Variants in KCNQ1 observed in about 807,000 individuals in gnomAD.
KCNQ1 encodes the protein potassium voltage-gated channel subfamily KQT member 1.
Under a neutral mutation model 72.4 loss-of-function variants are expected in KCNQ1, and 49 were observed. The observed-to-expected ratio is 0.68, with a 90% CI of 0.54 to 0.86. The LOEUF is 0.86. Ranked by LOEUF, KCNQ1 falls within the 40% of genes least tolerant of loss-of-function variation. The pLI is 0.00. For synonymous variants in KCNQ1, 450 were observed against 412.6 expected (o/e 1.09, Z -1.10); for missense variants, 790 against 945.1 (o/e 0.84, Z 2.15).
rs1847116598 is a variant in KCNQ1, at chr11:2,507,073, C to T, written c.387-20855C>T. Reference sequence around the variant, plus strand: ...CGCATGTTTATATCATCAAATTTATCATGCTTCTTTCTACTGACTCCGGAT... The same window carrying T: ...CGCATGTTTATATCATCAAATTTATTATGCTTCTTTCTACTGACTCCGGAT... On this transcript the variant is annotated intron_variant, in intron 1 of 15. Coordinates refer to ENST00000155840, the MANE Select transcript of KCNQ1 (RefSeq NM_000218.3). The surrounding 1 kb of genome is among the most constrained non-coding windows in gnomAD (Gnocchi z 5.4). 6.6e-6 allele frequency among the ~76,000 whole-genome samples: 1 copy of T among 152,192 alleles called. No homozygotes were observed. The highest frequency in any genetic ancestry group is 2.1e-4 in the South Asian group (1 of 4,838).
At position 2,698,175 on chromosome 11, in the gene KCNQ1, T is replaced by C. The variant is rs899920189; in HGVS notation, c.1514+36094T>C. On this transcript the variant is annotated intron_variant, in intron 11 of 15. Transcript: ENST00000155840. This position sits in a 1 kb window ranked among gnomAD's most constrained non-coding sequence, Gnocchi z 5.1. The stretch of plus-strand genomic sequence containing the variant: ...AGTTCCTCGTTGGGAGCTTTTGGTC[T>C]AGCAAAAGGGGCACCACAGTAAAGA... 29 of 398,620 alleles carry C rather than the reference T, an allele frequency of 7.3e-5. No homozygotes were observed. Among genetic ancestry groups the C allele is most frequent in the African/African-American group, 5.9e-4 (29 of 48,742 alleles). The allele number at this position is 398,620 out of a possible 1,614,324, so 24.7% of individuals were successfully genotyped here.
At chr11:2,774,047 T>G (rs1400847715) in intron 12 of KCNQ1, among the ~76,000 whole-genome samples, 2 of 151,350 alleles carry the variant, frequency 1.3e-5, no homozygotes, top group Non-Finnish European at 2.9e-5. Context: ...GAATTAAGAC[T>G]CAACATCCCA....
In KCNQ1 at chr11:2,550,178, T is replaced by C. The variant is rs1418560874; in HGVS notation, c.478-20450T>C. On this transcript the variant is annotated intron_variant, in intron 2 of 15. Transcript: ENST00000155840. The surrounding 1 kb of genome is among the most constrained non-coding windows in gnomAD (Gnocchi z 6.0). Reference sequence around the variant, plus strand: ...GCCTGGATGGACATCCCGCAGGCAGTGCACGTCCCTCCCCCGCCTCTCTTT... The same window carrying C: ...GCCTGGATGGACATCCCGCAGGCAGCGCACGTCCCTCCCCCGCCTCTCTTT... Among the ~76,000 whole-genome samples the C allele has an allele frequency of 6.6e-6, 1 of 152,194 alleles. No individual in the cohort carries two copies. Among genetic ancestry groups the C allele is most frequent in the Non-Finnish European group, 1.5e-5 (1 of 68,008 alleles).
Position 2,724,672 on chromosome 11 carries a change from G to T in KCNQ1, c.1515-44172G>T, listed in dbSNP as rs1399939913. Among the ~76,000 whole-genome samples, 1 of 152,204 alleles carries T rather than the reference G, an allele frequency of 6.6e-6. No individual in the cohort carries two copies. ...TCCCTCTCACTTCGCTCCCCAGGAG[G>T]CGACACTGTGATTGTCCTGGGCTCA... On this transcript the variant is annotated intron_variant, in intron 11 of 15. Coordinates refer to ENST00000155840, the MANE Select transcript of KCNQ1 (RefSeq NM_000218.3). This position sits in a 1 kb window ranked among gnomAD's most constrained non-coding sequence, Gnocchi z 6.8.
intron 1 of KCNQ1, among the ~76,000 whole-genome samples, chr11:2,456,274 G>A (rs1407800900): frequency 3.3e-5 from 5 of 151,032 alleles, no homozygotes; most frequent in Non-Finnish European, 5.9e-5. Flanking sequence ...TCCAGCCTGG[G>A]TGACAAGAGC....
intron 15 of KCNQ1, among the ~76,000 whole-genome samples, chr11:2,846,867 G>A (rs1393423121): frequency 6.6e-6 from 1 of 152,236 alleles, no homozygotes; most frequent in Non-Finnish European, 1.5e-5. Context: ...GGTGCATTTC[G>A]GGTTCTGTCC....
intron 15 of KCNQ1, 90 bp from the exon 16 acceptor site, chr11:2,847,677 C>A: frequency 7.9e-7 from 1 of 1,262,038 alleles, no homozygotes; most frequent in Non-Finnish European, 1.1e-6. Context: ...GGCACCTTCC[C>A]TTCTCTGGCC....
intron 10 of KCNQ1, chr11:2,637,436 T>C (rs1391889409): frequency 1.3e-5 from 2 of 152,282 alleles, no homozygotes; most frequent in African/African-American, 4.8e-5. Context: ...TTCATTTCGT[T>C]ATGTACCCAG....
At chr11:2,553,725 A>AT (rs1207977880) in intron 2 of KCNQ1, among the ~76,000 whole-genome samples, 1 of 150,910 alleles carries the variant, frequency 6.6e-6, no homozygotes, top group Non-Finnish European at 1.5e-5. Flanking sequence ...TAAATTTTTT[A>AT]TTTTTTTGAG....
At chr11:2,630,688 A>G (rs1849338461) in intron 10 of KCNQ1, 3 of 398,418 alleles carry the variant, frequency 7.5e-6, no homozygotes, top group African/African-American at 4.1e-5. Context: ...TTGTACTTTC[A>G]TATGTTTTCA....
At chr11:2,523,092 C>T (rs1459904586) in intron 1 of KCNQ1, among the ~76,000 whole-genome samples, 1 of 152,242 alleles carries the variant, frequency 6.6e-6, no homozygotes, top group Non-Finnish European at 1.5e-5. Context: ...GTGGTATTTG[C>T]AGCCAGTCAC....
rs569569259 is a variant in KCNQ1 at position 2,726,415 on chromosome 11, C to T, written c.1515-42429C>T. Among the ~76,000 whole-genome samples, 23 of 152,266 alleles carry T rather than the reference C, an allele frequency of 1.5e-4. No individual in the cohort carries two copies. The South Asian group carries it at 4.1e-3, about 27-fold the overall frequency. ...TCTTCCTGGGCCAGCAGTAGGTTTC[C>T]AAAAGGGCACAGACACAGCTCAGGA... On this transcript the variant is annotated intron_variant, in intron 11 of 15. Transcript: ENST00000155840.
Position 2,676,910 on chromosome 11 carries a change from T to A in KCNQ1, c.1514+14829T>A. 2.5e-6 allele frequency: 1 copy of A among 398,606 alleles called. No individual in the cohort carries two copies. The allele number at this position is 398,606 out of a possible 1,614,324, so 24.7% of individuals were successfully genotyped here. A position where few individuals can be genotyped will look rare whatever the true frequency, so the allele number is the denominator to read the frequency against. ...GTGTTCAGCCCCAGTGTGCACCACT[T>A]AAAAGGAAGACACTGGTATGTTCTG... On this transcript the variant is annotated intron_variant, in intron 11 of 15. Transcript: ENST00000155840. This position sits in a 1 kb window ranked among gnomAD's most constrained non-coding sequence, Gnocchi z 4.2.
rs1256685468 is a variant in KCNQ1, at chr11:2,492,564, G to A, written c.387-35364G>A. Among the ~76,000 whole-genome samples, 1 of 152,030 alleles carries A rather than the reference G, an allele frequency of 6.6e-6. No homozygotes were observed. Among genetic ancestry groups the A allele is most frequent in the African/African-American group, 2.4e-5 (1 of 41,402 alleles). ...GTGTGATGTTCCCCTCCCTGTGTCCGTGTATTCTCATTGTTCAACTTCCAC... is the reference window on the plus strand; with the variant it reads ...GTGTGATGTTCCCCTCCCTGTGTCCATGTATTCTCATTGTTCAACTTCCAC... On this transcript the variant is annotated intron_variant, in intron 1 of 15. Transcript: ENST00000155840. This position sits in a 1 kb window ranked among gnomAD's most constrained non-coding sequence, Gnocchi z 4.1.
chr11:2,675,183 C>T, intron 11 of KCNQ1: 1 of 398,592 alleles, frequency 2.5e-6, no homozygotes, highest in Non-Finnish European at 4.4e-6. Flanking sequence ...AAGATTAGGG[C>T]CCCTCTAGGT....
chr11:2,566,408 G>A lies in KCNQ1; in HGVS notation c.478-4220G>A, dbSNP rs2133719149. Among the ~76,000 whole-genome samples, 1 of 152,300 alleles carries A rather than the reference G, an allele frequency of 6.6e-6. No homozygotes were observed. Among genetic ancestry groups the A allele is most frequent in the East Asian group, 1.9e-4 (1 of 5,168 alleles). ...CCGGGGCGGGGCTCTCTCTGCCATG[G>A]ACGCCAGTCTTCCCTCCCCTAAGCT... On this transcript the variant is annotated intron_variant, in intron 2 of 15. Coordinates refer to ENST00000155840, the MANE Select transcript of KCNQ1 (RefSeq NM_000218.3). The surrounding 1 kb of genome is among the most constrained non-coding windows in gnomAD (Gnocchi z 6.7).
chr11:2,688,800 C>T, intron 11 of KCNQ1: 2 of 398,806 alleles, frequency 5.0e-6, no homozygotes, highest in Non-Finnish European at 8.8e-6. Context: ...CTCCCCCACA[C>T]ACAGCCCACC....
chr11:2,838,637 C>A (rs1848135239), intron 15 of KCNQ1, among the ~76,000 whole-genome samples: 1 of 152,074 alleles, frequency 6.6e-6, no homozygotes, highest in Non-Finnish European at 1.5e-5. Flanking sequence ...GCTGAGGGCC[C>A]AGGGTAGGGG....
chr11:2,771,307 C>G (rs1041839603), intron 12 of KCNQ1: 2 of 152,332 alleles, frequency 1.3e-5, no homozygotes, highest in African/African-American at 4.8e-5. Flanking sequence ...AGGAAGGACA[C>G]TGGCATTGAG....
Sources: gnomAD v4.1 joint callset for allele counts (sites outside exome capture counted in the v4.1 genomes callset) on GRCh38, gnomAD v4.1.1 for gene constraint, Gnocchi (gnomAD v3.1) non-coding constraint, MANE v1.5 for transcripts, NCBI Gene and HGNC (gene_info 2026-07-23, HGNC 2026-07-21) for gene names.